The following MSI2 variants were observed in gnomAD, a reference collection of about 807,000 sequenced individuals.
MSI2 encodes RNA-binding protein Musashi homolog 2.
Under a neutral mutation model 45.6 loss-of-function variants are expected in MSI2, and 17 were observed. That is an observed-to-expected ratio of 0.37 (90% CI 0.26 to 0.56). The LOEUF (loss-of-function observed/expected upper bound fraction) is 0.56. Ranked by LOEUF, MSI2 falls within the 20% of genes least tolerant of loss-of-function variation. The probability of loss-of-function intolerance (pLI) is 0.77; values close to 1 mark genes in which losing one functional copy is unlikely to be tolerated. For synonymous variants in MSI2, 156 were observed against 158.2 expected, an observed-to-expected ratio of 0.99 and a Z score of 0.11; for missense variants, 293 against 444.2, an observed-to-expected ratio of 0.66 and a Z score of 3.06.
intron 6 of MSI2, among the ~76,000 whole-genome samples, chr17:57,422,502 G>A (rs1237368494): frequency 2.6e-5 from 4 of 152,184 alleles, no homozygotes; most frequent in Non-Finnish European, 5.9e-5. Context: ...CTCCCTGTGA[G>A]GTAGGTATTC....
At chr17:57,496,050 AC>A (rs2143834348) in intron 6 of MSI2, among the ~76,000 whole-genome samples, 1 of 152,348 alleles carries the variant, frequency 6.6e-6, no homozygotes, top group South Asian at 2.1e-4. Flanking sequence ...ATAAGGCAGA[AC>A]AAAAGGGGTT....
chr17:57,338,784 A>T (rs1295347454), intron 5 of MSI2, among the ~76,000 whole-genome samples: 1 of 152,204 alleles, frequency 6.6e-6, no homozygotes, highest in African/African-American at 2.4e-5. Flanking sequence ...ATGTGGCATG[A>T]GCAGCTCACG....
intron 6 of MSI2, among the ~76,000 whole-genome samples, chr17:57,463,100 C>G (rs914349453): frequency 1.3e-5 from 2 of 152,232 alleles, no homozygotes; most frequent in Non-Finnish European, 2.9e-5. Context: ...GTCCTGGGCT[C>G]TGGGAGGGAT....
At chr17:57,604,881 C>CA (rs1906363313) in intron 8 of MSI2, among the ~76,000 whole-genome samples, 2 of 151,488 alleles carry the variant, frequency 1.3e-5, no homozygotes, top group Non-Finnish European at 2.9e-5. Flanking sequence ...CTCACCCCCC[C>CA]ACTCCTTCCA....
intron 5 of MSI2, among the ~76,000 whole-genome samples, chr17:57,328,703 A>C (rs940457768): frequency 6.6e-6 from 1 of 152,038 alleles, no homozygotes; most frequent in Non-Finnish European, 1.5e-5. Flanking sequence ...CTTTGCCTGT[A>C]TAAACAGACA....
intron 5 of MSI2, among the ~76,000 whole-genome samples, chr17:57,324,916 G>A (rs1318369213): frequency 6.6e-6 from 1 of 152,182 alleles, no homozygotes; most frequent in African/African-American, 2.4e-5. Flanking sequence ...AGCTGGAGGA[G>A]AGCAAGGCAG....
intron 5 of MSI2, among the ~76,000 whole-genome samples, chr17:57,356,860 T>C (rs1163206542): frequency 6.6e-6 from 1 of 152,138 alleles, no homozygotes; most frequent in Non-Finnish European, 1.5e-5. Context: ...TTGCAGCTAA[T>C]TTAAGAAAAA....
At chr17:57,453,230 A>G (rs879613567) in intron 6 of MSI2, among the ~76,000 whole-genome samples, 5 of 151,796 alleles carry the variant, frequency 3.3e-5, no homozygotes, top group Non-Finnish European at 7.4e-5. Flanking sequence ...CAAACTCCTG[A>G]CCTCAAGCAA....
chr17:57,300,686 C>A (rs151110891), intron 5 of MSI2, among the ~76,000 whole-genome samples: 1 of 152,158 alleles, frequency 6.6e-6, no homozygotes, highest in Admixed American at 6.6e-5. Flanking sequence ...AATGGACTCA[C>A]AGTTCCACGT....
chr17:57,624,313 T>C (rs1188296737), intron 9 of MSI2, among the ~76,000 whole-genome samples: 1 of 152,240 alleles, frequency 6.6e-6, no homozygotes, highest in African/African-American at 2.4e-5. Flanking sequence ...ATGACTTGGC[T>C]GTTTGCATAT....
At position 57,256,818 on chromosome 17, in the gene MSI2, C is replaced by T. The variant is rs113715130; in HGVS notation, c.62+14C>T. On this transcript the variant is annotated intron_variant, in intron 1 of 13. Coordinates refer to ENST00000284073, the MANE Select transcript of MSI2 (RefSeq NM_138962.4). ...GCACGACCCCGGGTAAGTTTCCAGC[C>T]GCTGCCCACCGCGCCGCCTTGGGCT... The T allele has an allele frequency of 5.5e-6, 8 of 1,452,558 alleles. No homozygotes were observed. The Admixed American group carries it at 2.0e-4, about 36-fold the overall frequency. 90.0% of individuals were successfully genotyped at this position (1,452,558 alleles called of 1,614,324 possible).
At chr17:57,651,875 TG>T (rs1911175792) in intron 10 of MSI2, among the ~76,000 whole-genome samples, 1 of 152,236 alleles carries the variant, frequency 6.6e-6, no homozygotes, top group Non-Finnish European at 1.5e-5. Context: ...AACCAGCTTC[TG>T]GGGTGACAAA....
At chr17:57,300,975 G>A (rs1044024018) in intron 5 of MSI2, among the ~76,000 whole-genome samples, 1 of 152,184 alleles carries the variant, frequency 6.6e-6, no homozygotes, top group Non-Finnish European at 1.5e-5. Flanking sequence ...GTGAGGCAGG[G>A]GACAGAGTGT....
intron 5 of MSI2, among the ~76,000 whole-genome samples, chr17:57,347,289 C>G (rs1423363704): frequency 6.6e-6 from 1 of 152,154 alleles, no homozygotes; most frequent in Non-Finnish European, 1.5e-5. Context: ...TATCAGAGCA[C>G]CCCACAGTGT....
chr17:57,522,585 A>G (rs1002666135), intron 6 of MSI2: 1 of 152,308 alleles, frequency 6.6e-6, no homozygotes, highest in South Asian at 2.1e-4. Flanking sequence ...CTTCCAGAGC[A>G]TCGTCCCAGC....
At position 57,528,284 on chromosome 17, in the gene MSI2, A is replaced by G. The variant is rs755241333; in HGVS notation, c.406-1392A>G. 1.6e-4 allele frequency among the ~76,000 whole-genome samples: 25 copies of G among 152,130 alleles called. 1 individual carries two copies. Among genetic ancestry groups the G allele is most frequent in the Admixed American group, 9.8e-4 (15 of 15,272 alleles). Reference sequence around the variant, plus strand: ...TGGGATAAAGGAGTGGGTCATAAATACTCATAAAAGGAGTGCATTCCAGAG... The same window carrying G: ...TGGGATAAAGGAGTGGGTCATAAATGCTCATAAAAGGAGTGCATTCCAGAG... On this transcript the variant is annotated intron_variant, in intron 6 of 13. Transcript: ENST00000284073.
rs554128450 is a variant in MSI2 at position 57,568,851 on chromosome 17, C to T, written c.455-28017C>T. Reference sequence around the variant, plus strand: ...GGTGGGCCTCCAGGGGGCTGGAGCACTGTGGTGGTGTTTATTGGTGAGAGA... The same window carrying T: ...GGTGGGCCTCCAGGGGGCTGGAGCATTGTGGTGGTGTTTATTGGTGAGAGA... On this transcript the variant is annotated intron_variant, in intron 7 of 13. Transcript: ENST00000284073. Among the ~76,000 whole-genome samples the T allele has an allele frequency of 4.6e-5, 7 of 152,220 alleles. No homozygotes were observed. In the East Asian group the frequency reaches 9.7e-4, roughly 21 times the overall value.
chr17:57,514,883 C>CA (rs1567871014), intron 6 of MSI2, among the ~76,000 whole-genome samples: 3 of 152,148 alleles, frequency 2.0e-5, no homozygotes, highest in Middle Eastern at 3.4e-3. Context: ...TTCCTTACCT[C>CA]AAAAAATCTA....
chr17:57,302,143 TG>T (rs1265832842), intron 5 of MSI2, among the ~76,000 whole-genome samples: 1 of 152,252 alleles, frequency 6.6e-6, no homozygotes, highest in Non-Finnish European at 1.5e-5. Context: ...TACATACTTT[TG>T]GGGTACATAC....
Sources: allele counts gnomAD v4.1 joint callset (sites outside exome capture counted in the v4.1 genomes callset), GRCh38; gene constraint gnomAD v4.1.1; transcripts MANE v1.5; gene names NCBI Gene and HGNC (gene_info 2026-07-23, HGNC 2026-07-21).